ADAMTS14: variants seen among roughly 807,000 people sequenced by gnomAD.
ADAMTS14 encodes the protein ADAM metallopeptidase with thrombospondin type 1 motif 14.
Under a neutral mutation model 128.6 loss-of-function variants are expected in ADAMTS14, and 100 were observed. The ratio of observed to expected loss-of-function variants is 0.78; its 90% confidence interval spans 0.66 to 0.92. ADAMTS14 has a LOEUF of 0.92. Ranked by LOEUF, ADAMTS14 falls within the 40% of genes least tolerant of loss-of-function variation. ADAMTS14 has a pLI of 0.00. For synonymous variants in ADAMTS14, 665 were observed against 653.8 expected (o/e 1.02, Z -0.26); for missense variants, 1,562 against 1,658.6 (o/e 0.94, Z 1.01).
At position 70,713,734 on chromosome 10, in the gene ADAMTS14, C is replaced by T. The variant is rs535472672; in HGVS notation, c.870+4956C>T. 6.6e-5 allele frequency among the ~76,000 whole-genome samples: 10 copies of T among 152,258 alleles called. No individual in the cohort carries two copies. The East Asian group carries it at 1.4e-3, about 21-fold the overall frequency. The stretch of plus-strand genomic sequence containing the variant: ...TTGGGTCTGCTGGGTCACAGCTTGC[C>T]GCTGTGTATGGGGGTGAGTTGGAGC... On this transcript the variant is annotated intron_variant, in intron 4 of 21. Coordinates refer to ENST00000373207, the MANE Select transcript of ADAMTS14 (RefSeq NM_080722.4).
At position 70,738,951 on chromosome 10, in the gene ADAMTS14, G is replaced by T; in HGVS notation, c.1709G>T (p.Gly570Val). The T allele has an allele frequency of 1.2e-6, 2 of 1,613,620 alleles. No homozygotes were observed. Among genetic ancestry groups the T allele is most frequent in the South Asian group, 2.2e-5 (2 of 91,062 alleles). ...KFGSCSRSCG[G>V]GVRSRSRSCN... is the part of the protein sequence containing the mutation. ...GGGTCATGTTCGCGGTCATGTGGGG[G>T]CGGGGTGCGATCCCGCAGCCGGAGC... The change falls in exon 11 of 22, where the codon GGC becomes GTC. Residue 570 changes from glycine to valine, a missense_variant. Gly to Val is a moderately radical substitution (Grantham distance 109, BLOSUM62 -3). Transcript: ENST00000373207.
At chr10:70,743,318 A>G (rs1842063876) in intron 12 of ADAMTS14, among the ~76,000 whole-genome samples, 1 of 152,192 alleles carries the variant, frequency 6.6e-6, no homozygotes, top group Admixed American at 6.5e-5. Context: ...TTTACTGATT[A>G]GGGATAATAA....
At chr10:70,727,638 A>G (rs1347950032) in intron 4 of ADAMTS14, among the ~76,000 whole-genome samples, 1 of 148,388 alleles carries the variant, frequency 6.7e-6, no homozygotes, top group African/African-American at 2.5e-5. Flanking sequence ...ATCCCTGACC[A>G]TGCTGGTGGC....
At chr10:70,709,154 C>T (rs1027762257) in intron 4 of ADAMTS14, among the ~76,000 whole-genome samples, 1 of 152,162 alleles carries the variant, frequency 6.6e-6, no homozygotes, top group African/African-American at 2.4e-5. Context: ...GTTGAAGGGA[C>T]TCTTCTGGGA....
intron 19 of ADAMTS14, among the ~76,000 whole-genome samples, chr10:70,756,912 C>T (rs1842489890): frequency 6.6e-6 from 1 of 152,088 alleles, no homozygotes; most frequent in Non-Finnish European, 1.5e-5. Context: ...ACTTTCACAG[C>T]CCCTTATGAG....
chr10:70,677,101 T>A (rs1054852091), intron 2 of ADAMTS14, among the ~76,000 whole-genome samples: 1 of 152,090 alleles, frequency 6.6e-6, no homozygotes, highest in African/African-American at 2.4e-5. Flanking sequence ...CAGCAGCCCA[T>A]TGACAAGTAG....
At position 70,743,643 on chromosome 10, in the gene ADAMTS14, C is replaced by T. The variant is rs781379307; in HGVS notation, c.2020C>T (p.Arg674Trp). The stretch of plus-strand genomic sequence containing the variant: ...TCACGATGGGACACGCTGCAGCTAC[C>T]GGGACCCATACAGCGTCTGTGCGCG... Reference protein sequence around the residue: ...VVHDGTRCSYRDPYSVCARGE... With the variant: ...VVHDGTRCSYWDPYSVCARGE... Residue 674 changes from arginine to tryptophan, a missense_variant, in exon 13 of 22, where the codon CGG (arginine) becomes TGG (tryptophan). Coordinates refer to ENST00000373207, the MANE Select transcript of ADAMTS14 (RefSeq NM_080722.4). 25 of 1,610,562 alleles carry T rather than the reference C, an allele frequency of 1.6e-5. No homozygotes were observed. Among genetic ancestry groups the T allele is most frequent in the Non-Finnish European group, 2.0e-5 (23 of 1,178,786 alleles).
intron 6 of ADAMTS14, among the ~76,000 whole-genome samples, chr10:70,730,849 C>T (rs905712775): frequency 2.6e-5 from 4 of 152,134 alleles, no homozygotes; most frequent in African/African-American, 9.7e-5. Flanking sequence ...AGCTTTGATA[C>T]CCATATGGGG....
At chr10:70,688,904 A>T (rs61852860) in intron 2 of ADAMTS14, among the ~76,000 whole-genome samples, 3 of 61,456 alleles carry the variant, frequency 4.9e-5, no homozygotes, top group African/African-American at 8.4e-5. Context: ...AGGGAGAGGG[A>T]GAGCCTTTGC....
At chr10:70,727,953 G>A (rs116290168) in intron 4 of ADAMTS14, among the ~76,000 whole-genome samples, 5,075 of 152,242 alleles carry the variant, frequency 0.033, 329 homozygotes, top group African/African-American at 0.12. Flanking sequence ...ATAATTAGAA[G>A]GGTGTGGTGG....
intron 4 of ADAMTS14, among the ~76,000 whole-genome samples, chr10:70,719,142 C>G (rs564451776): frequency 6.6e-6 from 1 of 152,148 alleles, no homozygotes; most frequent in East Asian, 1.9e-4. Context: ...AACAGCTCCC[C>G]CAACTGAGAT....
chr10:70,720,097 G>A (rs75554103), intron 4 of ADAMTS14, among the ~76,000 whole-genome samples: 6,912 of 152,354 alleles, frequency 0.045, 224 homozygotes, highest in Middle Eastern at 0.092. Flanking sequence ...CTGGGCATGA[G>A]GTGGGCTGAG....
chr10:70,751,711 T>C (rs1052831896), intron 17 of ADAMTS14, 65 bp downstream of exon 17: 12 of 1,563,824 alleles, frequency 7.7e-6, no homozygotes, highest in Non-Finnish European at 1.1e-5. Flanking sequence ...GAGGCAGGGG[T>C]GGGGGACTGA....
intron 2 of ADAMTS14, among the ~76,000 whole-genome samples, chr10:70,685,709 C>T (rs965766640): frequency 2.0e-5 from 3 of 152,156 alleles, no homozygotes; most frequent in African/African-American, 4.8e-5. Flanking sequence ...AAAGGCCAAG[C>T]GTATGTGAAC....
At chr10:70,737,394 C>T (rs1323232243) in intron 10 of ADAMTS14, among the ~76,000 whole-genome samples, 2 of 152,192 alleles carry the variant, frequency 1.3e-5, no homozygotes, top group Non-Finnish European at 2.9e-5. Context: ...TGACCTTGGG[C>T]CGTTCATTGA....
intron 3 of ADAMTS14, among the ~76,000 whole-genome samples, chr10:70,705,604 C>T (rs577633673): frequency 9.8e-5 from 15 of 152,380 alleles, no homozygotes; most frequent in Non-Finnish European, 1.6e-4. Flanking sequence ...GTTTCCCTGC[C>T]GTCCAACGCC....
At chr10:70,724,422 T>A (rs1841364632) in intron 4 of ADAMTS14, among the ~76,000 whole-genome samples, 2 of 152,200 alleles carry the variant, frequency 1.3e-5, no homozygotes, top group African/African-American at 4.8e-5. Context: ...TCCCCTGAGC[T>A]AGCTCCCTGG....
intron 14 of ADAMTS14, among the ~76,000 whole-genome samples, 200 bp from the exon 15 acceptor site, chr10:70,745,026 A>G (rs1159588926): frequency 2.0e-5 from 3 of 152,186 alleles, no homozygotes; most frequent in Non-Finnish European, 4.4e-5. Flanking sequence ...TAGAGTTTAC[A>G]GGACATGTCT....
At chr10:70,698,974 C>A (rs1840416301) in intron 2 of ADAMTS14, among the ~76,000 whole-genome samples, 1 of 152,136 alleles carries the variant, frequency 6.6e-6, no homozygotes, top group Admixed American at 6.5e-5. Flanking sequence ...GTGCCCTGCC[C>A]TCCCTTCTCA....
Sources: allele counts gnomAD v4.1 joint callset (sites outside exome capture counted in the v4.1 genomes callset), GRCh38; gene constraint gnomAD v4.1.1; transcripts MANE v1.5; gene names NCBI Gene and HGNC (gene_info 2026-07-23, HGNC 2026-07-21).